The following HHLA2 variants were observed in gnomAD, a reference collection of about 807,000 sequenced individuals.
HHLA2 encodes HHLA2 member of B7 family, also known as HERV-H LTR-associating protein 2.
Under a neutral mutation model 45.9 loss-of-function variants are expected in HHLA2, and 48 were observed. The observed-to-expected ratio is 1.05, with a 90% CI of 0.83 to 1.33. HHLA2 has a LOEUF of 1.33. Among genes scored for constraint, HHLA2 ranks in the 40% most tolerant of loss-of-function variants. The probability of loss-of-function intolerance (pLI) is 0.00; values close to 1 mark genes in which losing one functional copy is unlikely to be tolerated. For synonymous variants in HHLA2, 161 were observed against 173.9 expected (o/e 0.93, Z 0.59); for missense variants, 462 against 494.3 (o/e 0.93, Z 0.62).
intron 3 of HHLA2, among the ~76,000 whole-genome samples, chr3:108,329,039 A>T (rs1354788909): frequency 6.6e-6 from 1 of 152,186 alleles, no homozygotes; most frequent in East Asian, 1.9e-4. Context: ...CAGCATGAAC[A>T]GTTGGCTCAG....
chr3:108,377,623 G>A, exon 11 of HHLA2: 1 of 223,496 alleles, frequency 4.5e-6, no homozygotes, highest in South Asian at 1.2e-4. Context: ...TGCATCACTA[G>A]GGGTTGATTC....
intron 2 of HHLA2, among the ~76,000 whole-genome samples, chr3:108,322,122 A>G (rs1267568421): frequency 6.6e-6 from 1 of 152,106 alleles, no homozygotes. Context: ...TCCTCAGGGT[A>G]TCTGGTAATC....
chr3:108,364,734 C>A (rs965484039), intron 8 of HHLA2, among the ~76,000 whole-genome samples: 2 of 152,194 alleles, frequency 1.3e-5, no homozygotes, highest in Admixed American at 1.3e-4. Flanking sequence ...ATTTGCATTT[C>A]TCTAATGACC....
chr3:108,343,944 A>C (rs1278256549), intron 3 of HHLA2, among the ~76,000 whole-genome samples: 1 of 152,212 alleles, frequency 6.6e-6, no homozygotes, highest in Admixed American at 6.5e-5. Flanking sequence ...AATGTTACAG[A>C]AACTTGGTCC....
chr3:108,351,778 T>G lies in HHLA2; in HGVS notation c.-26-10T>G, dbSNP rs1239651075. 1.3e-6 allele frequency: 2 copies of G among 1,592,492 alleles called. No individual in the cohort carries two copies. The highest frequency in any genetic ancestry group is 3.4e-5 in the Admixed American group (2 of 59,308). On this transcript the variant is annotated splice_polypyrimidine_tract_variant and intron_variant, in intron 3 of 10. Coordinates refer to ENST00000619531, the Ensembl canonical transcript of HHLA2. ...ATCCATAACATGTGCACTTTACTTCTCTTTGATAGCATGACTAATATGTTC... is the reference window on the plus strand; with the variant it reads ...ATCCATAACATGTGCACTTTACTTCGCTTTGATAGCATGACTAATATGTTC...
rs1279026327 is a variant in HHLA2, at chr3:108,348,384, A to G, written c.-26-3404A>G. On this transcript the variant is annotated intron_variant, in intron 3 of 10. Coordinates refer to ENST00000619531, the Ensembl canonical transcript of HHLA2. ...TGTTCTTGGTAATACTGACAAGGGC[A>G]GTTTATGACATGTCATGCAGAAAAG... Among the ~76,000 whole-genome samples the G allele has an allele frequency of 4.6e-5, 7 of 152,356 alleles. No homozygotes were observed. In the East Asian group the frequency reaches 1.4e-3, roughly 29 times the overall value.
chr3:108,330,210 A>G (rs1373652052), intron 3 of HHLA2, among the ~76,000 whole-genome samples: 1 of 152,128 alleles, frequency 6.6e-6, no homozygotes, highest in African/African-American at 2.4e-5. Flanking sequence ...TTTCTGCTGT[A>G]TTCTATTGGT....
intron 2 of HHLA2, among the ~76,000 whole-genome samples, chr3:108,322,841 T>C (rs1415115567): frequency 6.6e-6 from 1 of 152,216 alleles, no homozygotes; most frequent in Non-Finnish European, 1.5e-5. Context: ...AGAAATAGCT[T>C]TCCTATGAGG....
chr3:108,313,059 A>T (rs534775003), intron 2 of HHLA2, among the ~76,000 whole-genome samples: 33 of 152,336 alleles, frequency 2.2e-4, no homozygotes, highest in African/African-American at 7.9e-4. Flanking sequence ...GCTAGTTTTC[A>T]TGGCAAAAGG....
intron 3 of HHLA2, among the ~76,000 whole-genome samples, chr3:108,344,630 A>G (rs942994031): frequency 2.0e-5 from 3 of 152,222 alleles, no homozygotes; most frequent in African/African-American, 7.2e-5. Context: ...TATGTTTTAC[A>G]GAGAAAAAGG....
chr3:108,305,771 GAGGC>G (rs1297122960), intron 1 of HHLA2, among the ~76,000 whole-genome samples: 2 of 152,306 alleles, frequency 1.3e-5, no homozygotes, highest in Non-Finnish European at 2.9e-5. Context: ...AAGGAAATCT[GAGGC>G]ACACAGACTT....
At chr3:108,348,324 A>G (rs2081706623) in intron 3 of HHLA2, among the ~76,000 whole-genome samples, 1 of 152,164 alleles carries the variant, frequency 6.6e-6, no homozygotes, top group Non-Finnish European at 1.5e-5. Context: ...TACGAGGTTG[A>G]GTTAGATGAG....
At chr3:108,357,229 T>C (rs944152827) in intron 6 of HHLA2, among the ~76,000 whole-genome samples, 1 of 152,194 alleles carries the variant, frequency 6.6e-6, no homozygotes, top group Non-Finnish European at 1.5e-5. Flanking sequence ...TGACAGTCCA[T>C]AGAGGTCAGC....
Position 108,325,124 on chromosome 3 carries a change from T to C in HHLA2, c.-104-3146T>C, listed in dbSNP as rs191961868. Among the ~76,000 whole-genome samples the C allele has an allele frequency of 1.7e-4, 26 of 151,966 alleles. No homozygotes were observed. The East Asian group carries it at 4.5e-3, about 26-fold the overall frequency. ...GTTTTATTTATGTTTAAAATTTATA[T>C]ATTTAAAATCTTATTATTGTCATTA... On this transcript the variant is annotated intron_variant, in intron 2 of 10. Coordinates refer to ENST00000619531, the Ensembl canonical transcript of HHLA2.
At chr3:108,331,067 G>T (rs1560216851) in intron 3 of HHLA2, among the ~76,000 whole-genome samples, 3 of 152,116 alleles carry the variant, frequency 2.0e-5, no homozygotes, top group Non-Finnish European at 4.4e-5. Context: ...TTATTAGGGT[G>T]TTTCAAACCT....
At chr3:108,376,819 G>A in intron 10 of HHLA2, 3 of 400,600 alleles carry the variant, frequency 7.5e-6, no homozygotes, top group South Asian at 3.4e-5. Flanking sequence ...ATCTCCAATG[G>A]CATTGTGCAT....
At chr3:108,369,058 G>A (rs536780443) in intron 8 of HHLA2, among the ~76,000 whole-genome samples, 9 of 152,304 alleles carry the variant, frequency 5.9e-5, no homozygotes, top group African/African-American at 2.2e-4. Context: ...TAGAACTCAG[G>A]ATTAAGAAAC....
At chr3:108,346,493 A>T (rs1245222535) in intron 3 of HHLA2, among the ~76,000 whole-genome samples, 2 of 152,204 alleles carry the variant, frequency 1.3e-5, no homozygotes, top group African/African-American at 2.4e-5. Flanking sequence ...GAATGTAGCA[A>T]CCTAGAAGCT....
chr3:108,368,780 G>T (rs1223681056), intron 8 of HHLA2, among the ~76,000 whole-genome samples: 1 of 152,016 alleles, frequency 6.6e-6, no homozygotes, highest in East Asian at 1.9e-4. Context: ...CACAATAATA[G>T]TGGGAGAGTT....
Sources: allele counts gnomAD v4.1 joint callset (sites outside exome capture counted in the v4.1 genomes callset), GRCh38; gene constraint gnomAD v4.1.1; transcripts MANE v1.5; gene names NCBI Gene and HGNC (gene_info 2026-07-23, HGNC 2026-07-21).